Variants in TENM3 observed in about 807,000 individuals in gnomAD.
TENM3 encodes the protein teneurin-3.
In TENM3, 63 loss-of-function variants were observed where a neutral mutation model predicts 255.1. That is an observed-to-expected ratio of 0.25 (90% confidence interval 0.20 to 0.30). TENM3 has a LOEUF of 0.30. TENM3 is among the 10% of genes least tolerant of loss of function. The pLI is 1.00. For missense variants in TENM3, 2,929 were observed against 3,461.1 expected (o/e 0.85, Z 3.86); for synonymous variants, 1,306 against 1,322.3 (o/e 0.99, Z 0.27).
At chr4:182,456,890 A>T (rs977174966) in intron 3 of TENM3, among the ~76,000 whole-genome samples, 3 of 152,188 alleles carry the variant, frequency 2.0e-5, no homozygotes, top group African/African-American at 7.2e-5. Flanking sequence ...CCTTAAGAAC[A>T]AAAACAGCTG....
the TENM3 span, among the ~76,000 whole-genome samples, chr4:181,667,676 C>A: frequency 2.0e-5 from 3 of 152,122 alleles, no homozygotes; most frequent in African/African-American, 7.2e-5. Context: ...AGTTGCCAGT[C>A]CCTCAATCTT....
At chr4:181,744,202 A>G in the TENM3 span, among the ~76,000 whole-genome samples, 1 of 152,102 alleles carries the variant, frequency 6.6e-6, no homozygotes, top group Non-Finnish European at 1.5e-5. Context: ...TATGTACCAC[A>G]TTGTCTTTAT....
At chr4:181,895,470 C>T in the TENM3 span, among the ~76,000 whole-genome samples, 18,964 of 150,714 alleles carry the variant, frequency 0.13, 1,344 homozygotes, top group East Asian at 0.24. Flanking sequence ...TACACACTCG[C>T]GCTCCCAGTC....
rs778450472 is a variant in TENM3, at chr4:182,682,012, A to G, written c.2033A>G (p.Asn678Ser). 2.0e-5 allele frequency: 33 copies of G among 1,613,590 alleles called. No individual in the cohort carries two copies. Among genetic ancestry groups the G allele is most frequent in the Non-Finnish European group, 2.6e-5 (31 of 1,179,700 alleles). The part of the protein sequence containing the change: ...DPNWTGPDCS[N>S]EICSVDCGSH... The stretch of plus-strand genomic sequence containing the variant: ...AACTGGACTGGCCCAGACTGCTCAA[A>G]CGGTGAGGTTAATAAATGCAGTACA... The change falls in exon 11 of 28, where the codon AAC (asparagine) becomes AGC (serine). Residue 678 changes from asparagine to serine, a missense_variant and splice_region_variant. Around this residue, in one of 6 missense-constraint regions of TENM3, gnomAD observed 1,608 missense variants for 1,884.4 expected, o/e 0.85. Coordinates refer to ENST00000511685, the MANE Select transcript of TENM3 (RefSeq NM_001080477.4).
intron 3 of TENM3, among the ~76,000 whole-genome samples, chr4:182,442,845 TATAC>T (rs1408859757): frequency 1.3e-5 from 1 of 79,502 alleles, no homozygotes; most frequent in African/African-American, 5.1e-5. Flanking sequence ...TACATACATA[TATAC>T]ACACACACAC....
intron 1 of TENM3, among the ~76,000 whole-genome samples, chr4:182,305,124 T>C (rs1762060680): frequency 6.6e-6 from 1 of 152,068 alleles, no homozygotes; most frequent in Non-Finnish European, 1.5e-5. Context: ...TCAGGTCCAC[T>C]ACAGCAATTC....
chr4:182,704,797 G>A (rs1430228419), intron 12 of TENM3, among the ~76,000 whole-genome samples: 10 of 150,300 alleles, frequency 6.7e-5, no homozygotes, highest in East Asian at 2.0e-4. Flanking sequence ...TTTAAAGCAC[G>A]TGTGCACACA....
the TENM3 span, among the ~76,000 whole-genome samples, chr4:181,777,337 A>G: frequency 3.3e-5 from 5 of 152,118 alleles, no homozygotes. Context: ...TTGAAGTCAG[A>G]TAGCGTGATG....
the TENM3 span, among the ~76,000 whole-genome samples, chr4:181,881,569 G>A: frequency 2.0e-5 from 3 of 151,928 alleles, no homozygotes; most frequent in Admixed American, 6.6e-5. Flanking sequence ...AAATATATTC[G>A]AGATCTTGAA....
chr4:182,350,918 C>G lies in TENM3; in HGVS notation c.511+3989C>G, dbSNP rs143262455. 5.3e-3 allele frequency among the ~76,000 whole-genome samples: 801 copies of G among 152,048 alleles called. 11 individuals carry two copies. Among genetic ancestry groups the G allele is most frequent in the African/African-American group, 0.019 (776 of 41,474 alleles). On this transcript the variant is annotated intron_variant, in intron 3 of 27. Transcript: ENST00000511685. ...CAGGATGGTCTCAATCTCTTGACCT[C>G]GTGATCTGCCCGCCTCTGCCTCCCA...
At chr4:182,496,849 A>C (rs1386415448) in intron 3 of TENM3, among the ~76,000 whole-genome samples, 1 of 152,220 alleles carries the variant, frequency 6.6e-6, no homozygotes, top group Non-Finnish European at 1.5e-5. Flanking sequence ...ATGCAAAAGA[A>C]GTAGCTAAAA....
the TENM3 span, among the ~76,000 whole-genome samples, chr4:181,501,505 A>G: frequency 6.6e-6 from 1 of 151,634 alleles, no homozygotes; most frequent in Admixed American, 6.6e-5. Context: ...CAGCCTCCCA[A>G]GTAGTGGGAT....
chr4:182,615,730 G>GA (rs879842356), intron 4 of TENM3, among the ~76,000 whole-genome samples: 103 of 136,642 alleles, frequency 7.5e-4, no homozygotes, highest in South Asian at 3.1e-3. Flanking sequence ...GTTGAAAAGT[G>GA]AAAAAAAAAA....
At chr4:182,578,281 A>C (rs1580999324) in intron 3 of TENM3, among the ~76,000 whole-genome samples, 1 of 152,058 alleles carries the variant, frequency 6.6e-6, no homozygotes, top group Non-Finnish European at 1.5e-5. Flanking sequence ...GCCCCAATTT[A>C]AAATTTTGAT....
At chr4:182,408,313 A>G (rs1769731356) in intron 3 of TENM3, among the ~76,000 whole-genome samples, 1 of 152,224 alleles carries the variant, frequency 6.6e-6, no homozygotes, top group African/African-American at 2.4e-5. Flanking sequence ...CCTTTCATCC[A>G]TATTCCTTAG....
chr4:181,588,708 A>C, the TENM3 span, among the ~76,000 whole-genome samples: 2 of 152,218 alleles, frequency 1.3e-5, no homozygotes, highest in Non-Finnish European at 2.9e-5. Context: ...GAAACGTAGA[A>C]GAAAAAGTAG....
At chr4:182,618,158 C>T (rs1011284205) in intron 4 of TENM3, among the ~76,000 whole-genome samples, 1 of 152,138 alleles carries the variant, frequency 6.6e-6, no homozygotes, top group African/African-American at 2.4e-5. Context: ...TAGTTACACA[C>T]TTTCTTTTTG....
chr4:181,646,873 G>C, the TENM3 span, among the ~76,000 whole-genome samples: 1 of 152,132 alleles, frequency 6.6e-6, no homozygotes. Flanking sequence ...ACATTGAGAA[G>C]ACTTAGGATA....
At chr4:181,715,103 C>T in the TENM3 span, among the ~76,000 whole-genome samples, 2 of 152,210 alleles carry the variant, frequency 1.3e-5, no homozygotes, top group African/African-American at 4.8e-5. Context: ...AGAGCAGGGT[C>T]TGGAACCTTC....
Sources: gnomAD v4.1 joint callset for allele counts (sites outside exome capture counted in the v4.1 genomes callset) on GRCh38, gnomAD v4.1.1 for gene constraint, gnomAD v4.1.1 regional missense constraint, MANE v1.5 for transcripts, NCBI Gene and HGNC (gene_info 2026-07-23, HGNC 2026-07-21) for gene names.